The following CRTC3 variants were observed in gnomAD, a reference collection of about 807,000 sequenced individuals.
CRTC3 encodes CREB regulated transcription coactivator 3.
Under a neutral mutation model 74.5 loss-of-function variants are expected in CRTC3, and 26 were observed. That is an observed-to-expected ratio of 0.35 (90% CI 0.26 to 0.48). CRTC3 has a LOEUF of 0.48. Ranked by LOEUF, CRTC3 falls within the 20% of genes least tolerant of loss-of-function variation. CRTC3 has a pLI of 0.99. For missense variants in CRTC3, 760 were observed against 787.3 expected (o/e 0.97, Z 0.41); for synonymous variants, 377 against 325.8 (o/e 1.16, Z -1.69).
chr15:90,584,534 G>T (rs1040716720), intron 2 of CRTC3, among the ~76,000 whole-genome samples: 5 of 152,126 alleles, frequency 3.3e-5, no homozygotes. Flanking sequence ...ACCGTGCCCG[G>T]CCCCCAGCAG....
chr15:90,601,239 A>G (rs767522709), intron 3 of CRTC3, among the ~76,000 whole-genome samples: 1 of 152,166 alleles, frequency 6.6e-6, no homozygotes, highest in Non-Finnish European at 1.5e-5. Context: ...CGTCCAGAAT[A>G]TGCTCCAAGG....
At chr15:90,559,168 G>C (rs966140760) in intron 2 of CRTC3, among the ~76,000 whole-genome samples, 1 of 152,158 alleles carries the variant, frequency 6.6e-6, no homozygotes, top group Non-Finnish European at 1.5e-5. Flanking sequence ...TACCTGGCCA[G>C]GGTATGAGTT....
chr15:90,602,528 G>C, intron 4 of CRTC3, 143 bp downstream of exon 4: 1 of 603,830 alleles, frequency 1.7e-6, no homozygotes. Flanking sequence ...ATTTCAGTGG[G>C]AGGATCACTT....
chr15:90,591,769 C>T (rs1010273695), intron 2 of CRTC3, among the ~76,000 whole-genome samples: 2 of 152,204 alleles, frequency 1.3e-5, no homozygotes, highest in Non-Finnish European at 2.9e-5. Flanking sequence ...TGCACTCCAG[C>T]CTGGGCAACA....
intron 4 of CRTC3, 127 bp from the exon 5 acceptor site, chr15:90,604,258 T>C: frequency 1.4e-6 from 1 of 701,706 alleles, no homozygotes; most frequent in South Asian, 1.6e-5. Flanking sequence ...AGGTGTGGGG[T>C]ATTTTTAAGT....
At chr15:90,603,307 G>T (rs1968130181) in intron 4 of CRTC3, among the ~76,000 whole-genome samples, 1 of 149,218 alleles carries the variant, frequency 6.7e-6, no homozygotes, top group Admixed American at 6.7e-5. Flanking sequence ...GCCGGGCGTG[G>T]TGGCAGGCGC....
At chr15:90,605,131 G>C (rs1968182870) in intron 5 of CRTC3, among the ~76,000 whole-genome samples, 1 of 151,878 alleles carries the variant, frequency 6.6e-6, no homozygotes, top group African/African-American at 2.4e-5. Flanking sequence ...ACGTGCCTGT[G>C]GTTCGAGCTA....
intron 2 of CRTC3, among the ~76,000 whole-genome samples, chr15:90,584,923 C>T (rs1315073332): frequency 2.6e-5 from 4 of 152,086 alleles, no homozygotes; most frequent in East Asian, 1.9e-4. Context: ...GAAGCATTAT[C>T]GTCAATGAAT....
At position 90,645,293 on chromosome 15, in the gene CRTC3, C is replaced by G. The variant is rs1208592270; in HGVS notation, c.*3153C>G. ...AAAGTTGCTTCCAAGTTTTATAATGCATCATTTTACATCTTTTGTAATTAA... is the reference window on the plus strand; with the variant it reads ...AAAGTTGCTTCCAAGTTTTATAATGGATCATTTTACATCTTTTGTAATTAA... On this transcript the variant is annotated 3_prime_UTR_variant, in exon 15 of 15. Transcript: ENST00000268184. 4.6e-5 allele frequency: 10 copies of G among 215,814 alleles called. No homozygotes were observed. In the Middle Eastern group the frequency reaches 4.3e-3, roughly 94 times the overall value. The allele number at this position is 215,814 out of a possible 1,614,324, so 13.4% of individuals were successfully genotyped here.
intron 5 of CRTC3, 121 bp from the exon 6 acceptor site, chr15:90,607,257 G>C (rs1018174491): frequency 1.6e-6 from 1 of 633,180 alleles, no homozygotes; most frequent in Admixed American, 2.8e-5. Flanking sequence ...CCCCTTATTT[G>C]ATGGTTGATT....
chr15:90,550,951 G>A (rs897483869), intron 2 of CRTC3, among the ~76,000 whole-genome samples: 21 of 152,072 alleles, frequency 1.4e-4, no homozygotes, highest in African/African-American at 4.1e-4. Flanking sequence ...TGAAACAAGA[G>A]AGGCTGATTC....
rs1967191306 is a variant in CRTC3, at chr15:90,568,989, A to T, written c.232-24647A>T. On this transcript the variant is annotated intron_variant, in intron 2 of 14. Transcript: ENST00000268184. ...CAGTATGGTGTAAACAAGTATAACG[A>T]AACTTTTTTTTTTTTTTTAAAGAGA... Among the ~76,000 whole-genome samples the T allele has an allele frequency of 1.4e-4, 16 of 115,918 alleles. No individual in the cohort carries two copies. In the South Asian group the frequency reaches 5.2e-3, roughly 37 times the overall value. The allele number at this position is 115,918 out of a possible 152,430, so 76.0% of individuals were successfully genotyped here.
chr15:90,635,411 G>T (rs887152803), intron 11 of CRTC3, among the ~76,000 whole-genome samples: 1 of 152,104 alleles, frequency 6.6e-6, no homozygotes, highest in Non-Finnish European at 1.5e-5. Context: ...TTGGGAGGCC[G>T]AGGCGGGTGG....
chr15:90,535,173 A>T (rs11635403), intron 1 of CRTC3, among the ~76,000 whole-genome samples: 72,044 of 150,400 alleles, frequency 0.48, 18,093 homozygotes, highest in Non-Finnish European at 0.55. Flanking sequence ...AAAAAAAAAA[A>T]AAAAAAAGAA....
chr15:90,545,669 T>C (rs371854621), intron 2 of CRTC3, among the ~76,000 whole-genome samples: 22 of 152,040 alleles, frequency 1.4e-4, no homozygotes, highest in South Asian at 1.2e-3. Context: ...CTCCGCCTCC[T>C]GGGTTCAAGC....
chr15:90,638,368 C>G, intron 11 of CRTC3, 78 bp from the exon 12 acceptor site: 3 of 1,280,552 alleles, frequency 2.3e-6, no homozygotes, highest in Non-Finnish European at 2.3e-6. Flanking sequence ...TCCTCTCACT[C>G]TGACATTTCC....
intron 1 of CRTC3, among the ~76,000 whole-genome samples, chr15:90,539,429 T>G (rs1395563724): frequency 6.6e-6 from 1 of 151,986 alleles, no homozygotes; most frequent in African/African-American, 2.4e-5. Flanking sequence ...TATTATAAAC[T>G]CTTTGGGAAA....
chr15:90,567,405 G>T (rs1463030979), intron 2 of CRTC3, among the ~76,000 whole-genome samples: 1 of 152,026 alleles, frequency 6.6e-6, no homozygotes, highest in Non-Finnish European at 1.5e-5. Flanking sequence ...TATTACTCCT[G>T]GCTGGGCTTG....
At chr15:90,568,480 A>G (rs1967177472) in intron 2 of CRTC3, among the ~76,000 whole-genome samples, 1 of 152,036 alleles carries the variant, frequency 6.6e-6, no homozygotes, top group African/African-American at 2.4e-5. Context: ...CCTCCCGAGT[A>G]GCTAGGATTA....
Sources: gnomAD v4.1 joint callset for allele counts (sites outside exome capture counted in the v4.1 genomes callset) on GRCh38, gnomAD v4.1.1 for gene constraint, MANE v1.5 for transcripts, NCBI Gene and HGNC (gene_info 2026-07-23, HGNC 2026-07-21) for gene names.